Variants in STAU1 observed in about 807,000 individuals in gnomAD.
The protein encoded by STAU1 is staufen double-stranded RNA binding protein 1, also known as double-stranded RNA-binding protein Staufen homolog 1.
A neutral mutation model predicts 62.9 loss-of-function variants in STAU1; 13 were observed. That is an observed-to-expected ratio of 0.21 (90% CI 0.13 to 0.33). STAU1 has a LOEUF of 0.33. STAU1 is among the 10% of genes least tolerant of loss of function. STAU1 has a pLI of 1.00. For missense variants in STAU1, 571 were observed against 712.1 expected (o/e 0.80, Z 2.25); for synonymous variants, 269 against 265.1 (o/e 1.01, Z -0.14).
At chr20:49,169,241 C>T (rs773933401) in intron 2 of STAU1, among the ~76,000 whole-genome samples, 1 of 152,088 alleles carries the variant, frequency 6.6e-6, no homozygotes, top group East Asian at 1.9e-4. Context: ...TGAGCCACTG[C>T]GCCTGGCCTG....
the STAU1 span, among the ~76,000 whole-genome samples, chr20:49,212,414 T>C: frequency 6.6e-6 from 1 of 152,304 alleles, no homozygotes; most frequent in Admixed American, 6.5e-5. Context: ...AATGTCATGA[T>C]TGAATATATG....
At chr20:49,159,206 T>C (rs561756392) in intron 3 of STAU1, 24 of 1,021,314 alleles carry the variant, frequency 2.3e-5, no homozygotes, top group African/African-American at 6.9e-5. Context: ...TCTCTAGGAC[T>C]TTCCCCATCC....
the STAU1 span, among the ~76,000 whole-genome samples, chr20:49,209,438 TAAAAA>T: frequency 8.4e-6 from 1 of 119,124 alleles, no homozygotes; most frequent in African/African-American, 3.2e-5. Flanking sequence ...TCTGTACAGT[TAAAAA>T]AAAAAAAAAA....
chr20:49,153,861 T>C, intron 4 of STAU1, 72 bp downstream of exon 4: 1 of 1,451,280 alleles, frequency 6.9e-7, no homozygotes, highest in South Asian at 1.5e-5. Context: ...AATCTAGAGG[T>C]ACTGGTTTAT....
intron 1 of STAU1, among the ~76,000 whole-genome samples, chr20:49,185,740 T>C (rs993319234): frequency 6.6e-6 from 1 of 152,228 alleles, no homozygotes; most frequent in Non-Finnish European, 1.5e-5. Context: ...TATTCGAGTT[T>C]CGCATGTTTT....
chr20:49,194,259 G>A, the STAU1 span, among the ~76,000 whole-genome samples: 4 of 151,486 alleles, frequency 2.6e-5, no homozygotes, highest in East Asian at 3.9e-4. Context: ...GAGAAACCCC[G>A]TCTCTACTAA....
chr20:49,166,361 T>G (rs777098566), intron 2 of STAU1, 76 bp from the exon 3 acceptor site: 2 of 629,116 alleles, frequency 3.2e-6, no homozygotes, highest in African/African-American at 3.7e-5. Flanking sequence ...TCAGTCAAAA[T>G]GGTGTCACCT....
chr20:49,174,584 G>A (rs951230046), intron 1 of STAU1, among the ~76,000 whole-genome samples: 1 of 151,784 alleles, frequency 6.6e-6, no homozygotes, highest in Admixed American at 6.6e-5. Flanking sequence ...GGCTGGGCAT[G>A]GTGGCTCATG....
intron 1 of STAU1, among the ~76,000 whole-genome samples, chr20:49,184,064 G>A (rs1313493173): frequency 6.6e-6 from 1 of 151,888 alleles, no homozygotes; most frequent in South Asian, 2.1e-4. Flanking sequence ...TGAGTAGCTG[G>A]GATTACAGGT....
chr20:49,174,042 T>C (rs1333082326), intron 2 of STAU1, among the ~76,000 whole-genome samples, 153 bp downstream of exon 2: 1 of 152,098 alleles, frequency 6.6e-6, no homozygotes, highest in Non-Finnish European at 1.5e-5. Flanking sequence ...TCTAATTAAA[T>C]CAAGAGTAAA....
At chr20:49,121,882 C>A (rs1389905231) in intron 8 of STAU1, among the ~76,000 whole-genome samples, 1 of 152,200 alleles carries the variant, frequency 6.6e-6, no homozygotes, top group Non-Finnish European at 1.5e-5. Context: ...AGGCACCTGG[C>A]TGCTAAAACC....
the STAU1 span, among the ~76,000 whole-genome samples, chr20:49,203,730 A>G: frequency 6.6e-6 from 1 of 152,230 alleles, no homozygotes; most frequent in African/African-American, 2.4e-5. Flanking sequence ...TCTGCTGCCC[A>G]GGATGGAATG....
At chr20:49,172,568 G>T (rs2093610754) in intron 2 of STAU1, among the ~76,000 whole-genome samples, 1 of 152,144 alleles carries the variant, frequency 6.6e-6, no homozygotes, top group Non-Finnish European at 1.5e-5. Flanking sequence ...TTTCAGAAAA[G>T]GGAAACTGTA....
intron 5 of STAU1, among the ~76,000 whole-genome samples, chr20:49,149,252 ACACACACACACACACACAC>A (rs1303144229): frequency 4.0e-4 from 2 of 5,060 alleles, no homozygotes; most frequent in African/African-American, 5.0e-4. Context: ...CTGTCTCAAA[ACACACACACACACACACAC>A]ACACACACAC....
In STAU1 at chr20:49,140,307, A is replaced by G. The variant is rs73132119; in HGVS notation, c.511-4376T>C. Reference sequence around the variant, plus strand: ...TATATGATCCAGGAATTCCACTTCTAGATATACACCCAAAAGACCTGAAAG... The same window carrying G: ...TATATGATCCAGGAATTCCACTTCTGGATATACACCCAAAAGACCTGAAAG... On this transcript the variant is annotated intron_variant, in intron 5 of 13. Coordinates refer to ENST00000371856, the MANE Select transcript of STAU1 (RefSeq NM_017453.4). 6.2e-3 allele frequency among the ~76,000 whole-genome samples: 949 copies of G among 152,358 alleles called. 2 individuals carry two copies. Among genetic ancestry groups the G allele is most frequent in the Non-Finnish European group, 8.0e-3 (541 of 68,040 alleles).
At chr20:49,188,458 T>G (rs2093820448), upstream of STAU1, 1 of 141,088 alleles carries the variant, frequency 7.1e-6, no homozygotes, top group Non-Finnish European at 1.5e-5. Context: ...GAACCACAAG[T>G]TCCGGCTGGC....
chr20:49,206,414 GTTTTTTTTTTT>G, the STAU1 span, among the ~76,000 whole-genome samples: 3 of 76,598 alleles, frequency 3.9e-5, no homozygotes, highest in South Asian at 4.6e-4. Flanking sequence ...CTTCCTTCTG[GTTTTTTTTTTT>G]TTTTTTTTTT....
At chr20:49,133,365 G>A (rs922717665) in intron 6 of STAU1, among the ~76,000 whole-genome samples, 4 of 152,150 alleles carry the variant, frequency 2.6e-5, no homozygotes, top group African/African-American at 4.8e-5. Flanking sequence ...GAGGTGACCC[G>A]GGAAGCCAGC....
intron 3 of STAU1, among the ~76,000 whole-genome samples, chr20:49,154,792 G>A (rs1210815227): frequency 6.6e-6 from 1 of 151,638 alleles, no homozygotes; most frequent in Admixed American, 6.6e-5. Context: ...TGTGAACCTG[G>A]GAGGCGGACC....
Sources: allele counts gnomAD v4.1 joint callset (sites outside exome capture counted in the v4.1 genomes callset), GRCh38; gene constraint gnomAD v4.1.1; transcripts MANE v1.5; gene names NCBI Gene and HGNC (gene_info 2026-07-23, HGNC 2026-07-21).